The following RIMS2 variants were observed in gnomAD, a reference collection of about 807,000 sequenced individuals.
RIMS2 encodes the protein regulating synaptic membrane exocytosis protein 2.
In RIMS2, 59 loss-of-function variants were observed where a neutral mutation model predicts 174.4. The ratio of observed to expected loss-of-function variants is 0.34; its 90% CI spans 0.27 to 0.42. RIMS2 has a LOEUF of 0.42. Ranked by LOEUF, RIMS2 falls within the 10% of genes least tolerant of loss-of-function variation. The pLI, the probability that RIMS2 is intolerant of heterozygous loss-of-function variation, is 1.00. For synonymous variants in RIMS2, 606 were observed against 572.5 expected, an observed-to-expected ratio of 1.06 and a Z score of -0.84; for missense variants, 1,620 against 1,666.3, an observed-to-expected ratio of 0.97 and a Z score of 0.48.
At chr8:103,506,997 A>G (rs1281409435) in intron 1 of RIMS2, among the ~76,000 whole-genome samples, 2 of 152,096 alleles carry the variant, frequency 1.3e-5, no homozygotes, top group Non-Finnish European at 2.9e-5. Context: ...GCCTTGGTTA[A>G]ACTTTTTACT....
rs1346435416 is a variant in RIMS2 at position 104,141,169 on chromosome 8, T to C, written c.3335-103747T>C. Among the ~76,000 whole-genome samples, 4 of 152,176 alleles carry C rather than the reference T, an allele frequency of 2.6e-5. No homozygotes were observed. The South Asian group carries it at 6.2e-4, about 24-fold the overall frequency. The stretch of plus-strand genomic sequence containing the variant: ...TTATCATTTGATGATAGACAAATGA[T>C]TAGGTACCATGAGCATGGTGTGATA... On this transcript the variant is annotated intron_variant, in intron 19 of 23. Coordinates refer to ENST00000504942, the Ensembl canonical transcript of RIMS2.
chr8:103,897,015 C>T (rs963844037), intron 4 of RIMS2, among the ~76,000 whole-genome samples: 2 of 151,586 alleles, frequency 1.3e-5, no homozygotes, highest in African/African-American at 2.4e-5. Flanking sequence ...CAAGGACCAT[C>T]CAAAGAGCCC....
At chr8:104,024,739 A>G (rs929554598) in intron 19 of RIMS2, among the ~76,000 whole-genome samples, 2 of 152,164 alleles carry the variant, frequency 1.3e-5, no homozygotes, top group African/African-American at 4.8e-5. Context: ...TGGTAAAATT[A>G]CTCTATAATG....
intron 3 of RIMS2, among the ~76,000 whole-genome samples, chr8:103,866,452 G>C (rs2099084864): frequency 6.6e-6 from 1 of 152,022 alleles, no homozygotes. Context: ...TCACTGCACA[G>C]GTATACAGAG....
chr8:104,218,106 G>A (rs1425733536), intron 19 of RIMS2, among the ~76,000 whole-genome samples: 1 of 152,112 alleles, frequency 6.6e-6, no homozygotes, highest in Non-Finnish European at 1.5e-5. Context: ...CTATTACCAA[G>A]AACAAGTGTA....
At chr8:103,687,681 T>A (rs1458000453) in intron 1 of RIMS2, among the ~76,000 whole-genome samples, 4 of 152,108 alleles carry the variant, frequency 2.6e-5, no homozygotes, top group African/African-American at 7.2e-5. Flanking sequence ...CATACCCCAG[T>A]CTCTGGTGAT....
At chr8:103,681,762 T>C (rs1345923361) in intron 1 of RIMS2, among the ~76,000 whole-genome samples, 4 of 152,054 alleles carry the variant, frequency 2.6e-5, no homozygotes, top group South Asian at 4.1e-4. Flanking sequence ...GAGAGAAGAA[T>C]AACTCTTTTT....
At chr8:103,522,975 G>C (rs1832429927) in intron 1 of RIMS2, among the ~76,000 whole-genome samples, 1 of 152,040 alleles carries the variant, frequency 6.6e-6, no homozygotes, top group South Asian at 2.1e-4. Context: ...AGAAATGAAG[G>C]GGTACAATGA....
At chr8:104,095,328 G>A (rs944350286) in intron 19 of RIMS2, among the ~76,000 whole-genome samples, 4 of 152,088 alleles carry the variant, frequency 2.6e-5, no homozygotes, top group Non-Finnish European at 5.9e-5. Context: ...TACAAAGCAG[G>A]AGCAATGTTT....
At chr8:104,127,870 A>T (rs2098444691) in intron 19 of RIMS2, among the ~76,000 whole-genome samples, 1 of 152,184 alleles carries the variant, frequency 6.6e-6, no homozygotes, top group Admixed American at 6.5e-5. Flanking sequence ...TTGGTAACTC[A>T]TGTTGCCACC....
chr8:103,719,760 A>G (rs6468886), intron 2 of RIMS2, among the ~76,000 whole-genome samples: 26,741 of 152,124 alleles, frequency 0.18, 2,556 homozygotes, highest in African/African-American at 0.23. Context: ...ATTTTCTCAC[A>G]GGCCAGAACA....
At chr8:104,015,697 G>T (rs1293056774) in intron 19 of RIMS2, among the ~76,000 whole-genome samples, 2 of 152,024 alleles carry the variant, frequency 1.3e-5, no homozygotes, top group East Asian at 3.9e-4. Context: ...TCTTTTAAAT[G>T]ACCAGATAAA....
At chr8:104,171,388 C>A (rs1236135640) in intron 19 of RIMS2, among the ~76,000 whole-genome samples, 1 of 151,456 alleles carries the variant, frequency 6.6e-6, no homozygotes, top group Non-Finnish European at 1.5e-5. Flanking sequence ...AAAGCCTTGT[C>A]TTTGAGCTCT....
chr8:104,232,332 A>G (rs1280520318), intron 19 of RIMS2, among the ~76,000 whole-genome samples: 1 of 152,228 alleles, frequency 6.6e-6, no homozygotes, highest in Non-Finnish European at 1.5e-5. Context: ...TGTGCTACAC[A>G]TAGAAGTTGT....
At chr8:103,923,208 T>A (rs2078059059) in intron 10 of RIMS2, among the ~76,000 whole-genome samples, 1 of 151,912 alleles carries the variant, frequency 6.6e-6, no homozygotes, top group Non-Finnish European at 1.5e-5. Flanking sequence ...ATTTCAATAG[T>A]TCGTCCTTAA....
intron 4 of RIMS2, among the ~76,000 whole-genome samples, chr8:103,905,033 T>C (rs1038283489): frequency 2.0e-5 from 3 of 152,120 alleles, no homozygotes; most frequent in Non-Finnish European, 4.4e-5. Flanking sequence ...TAAATTCCTT[T>C]ATTTTCTCCC....
intron 1 of RIMS2, among the ~76,000 whole-genome samples, chr8:103,687,273 G>A (rs1317261165): frequency 6.6e-6 from 1 of 151,840 alleles, no homozygotes; most frequent in African/African-American, 2.4e-5. Flanking sequence ...TAGATTAATA[G>A]TGAGTTCTGT....
chr8:104,103,517 G>T (rs907854181), intron 19 of RIMS2, among the ~76,000 whole-genome samples: 1 of 151,976 alleles, frequency 6.6e-6, no homozygotes, highest in Non-Finnish European at 1.5e-5. Flanking sequence ...TTTGTTTAGG[G>T]TTTAGTTTGT....
At chr8:103,783,193 T>G (rs1222943575) in intron 3 of RIMS2, among the ~76,000 whole-genome samples, 1 of 152,160 alleles carries the variant, frequency 6.6e-6, no homozygotes, top group African/African-American at 2.4e-5. Flanking sequence ...TGACATGCCC[T>G]CAGCCCTTAG....
Sources: gnomAD v4.1 joint callset for allele counts (sites outside exome capture counted in the v4.1 genomes callset) on GRCh38, gnomAD v4.1.1 for gene constraint, MANE v1.5 for transcripts, NCBI Gene and HGNC (gene_info 2026-07-23, HGNC 2026-07-21) for gene names.